DHX57: variants seen among roughly 807,000 people sequenced by gnomAD.
DHX57 encodes putative ATP-dependent RNA helicase DHX57.
DHX57 carries 105 observed loss-of-function variants against 156.2 expected under a neutral mutation model. The observed-to-expected ratio is 0.67, with a 90% CI of 0.57 to 0.79. The LOEUF (loss-of-function observed/expected upper bound fraction) is 0.79. Among genes scored for constraint, DHX57 ranks in the 30% least tolerant of loss-of-function variants. The probability of loss-of-function intolerance (pLI) is 0.00; values close to 1 mark genes in which losing one functional copy is unlikely to be tolerated. For missense variants in DHX57, 1,847 were observed against 1,661.9 expected, an observed-to-expected ratio of 1.11 and a Z score of -1.94; for synonymous variants, 704 against 595.6, an observed-to-expected ratio of 1.18 and a Z score of -2.65.
At chr2:38,854,978 G>A in intron 8 of DHX57, 79 bp downstream of exon 8, 1 of 1,476,946 alleles carries the variant, frequency 6.8e-7, no homozygotes, top group Non-Finnish European at 9.5e-7. Flanking sequence ...AATTGCCCAT[G>A]AATCTCCTAA....
At chr2:38,809,306 G>C (rs1558355505) in intron 21 of DHX57, among the ~76,000 whole-genome samples, 1 of 150,596 alleles carries the variant, frequency 6.6e-6, no homozygotes, top group Non-Finnish European at 1.5e-5. Flanking sequence ...AATTTTTTTT[G>C]TAGAGACAAG....
intron 13 of DHX57, among the ~76,000 whole-genome samples, chr2:38,831,844 C>A (rs1329538614): frequency 5.3e-4 from 70 of 131,864 alleles, no homozygotes; most frequent in East Asian, 9.2e-4. Context: ...GACTTCATCT[C>A]AAAAAAAAAA....
At chr2:38,866,980 A>T (rs1266875064) in intron 2 of DHX57, 3 of 152,244 alleles carry the variant, frequency 2.0e-5, no homozygotes, top group Non-Finnish European at 4.4e-5. Flanking sequence ...ACTCACCCAG[A>T]GCAAAATCCA....
intron 5 of DHX57, among the ~76,000 whole-genome samples, chr2:38,859,335 A>G (rs1303640294): frequency 3.3e-5 from 5 of 152,194 alleles, no homozygotes; most frequent in African/African-American, 1.2e-4. Flanking sequence ...GCAAATCCAT[A>G]GAGATAGACA....
At chr2:38,865,221 T>G (rs1015178331) in intron 2 of DHX57, among the ~76,000 whole-genome samples, 1 of 152,204 alleles carries the variant, frequency 6.6e-6, no homozygotes, top group African/African-American at 2.4e-5. Flanking sequence ...TCATCTTCAA[T>G]TGAAGTTCCC....
chr2:38,848,810 C>T (rs186017669), intron 9 of DHX57, among the ~76,000 whole-genome samples: 46 of 152,236 alleles, frequency 3.0e-4, no homozygotes, highest in Admixed American at 9.2e-4. Flanking sequence ...ATTGAACCAT[C>T]GGAGAGCAAA....
chr2:38,839,100 T>A (rs932347894), intron 12 of DHX57, among the ~76,000 whole-genome samples: 1 of 151,642 alleles, frequency 6.6e-6, no homozygotes, highest in African/African-American at 2.4e-5. Flanking sequence ...GCCAGCTAAT[T>A]TTTGTATTTT....
intron 13 of DHX57, among the ~76,000 whole-genome samples, chr2:38,833,889 G>C (rs1364562402): frequency 6.6e-6 from 1 of 151,970 alleles, no homozygotes; most frequent in African/African-American, 2.4e-5. Flanking sequence ...GACATATATA[G>C]ATACTAGCCT....
rs1443960787 is a variant in DHX57 at position 38,861,008 on chromosome 2, T to C, written c.1402A>G (p.Ile468Val). 2 of 1,612,840 alleles carry C rather than the reference T, an allele frequency of 1.2e-6. No homozygotes were observed. Among genetic ancestry groups the C allele is most frequent in the African/African-American group, 2.7e-5 (2 of 74,878 alleles). ...TCAATGCCTTACATACCTTCTGGAA[T>C]TTGATTAGAAACAAAAGAATTATTT... ...IPNNSFVSNQ[I>V]PEVEKASESE... is the part of the protein sequence containing the mutation. The change falls in exon 5 of 24, where the codon ATT (isoleucine) becomes GTT (valine). Residue 468 changes from isoleucine to valine, a missense_variant. Transcript: ENST00000457308.
intron 19 of DHX57, 154 bp downstream of exon 19, chr2:38,818,723 G>T (rs1276506001): frequency 1.3e-6 from 1 of 759,574 alleles, no homozygotes; most frequent in African/African-American, 1.8e-5. Flanking sequence ...TGATGCCACA[G>T]TGCGGGAGTC....
At chr2:38,802,506 T>A (rs938631886) in intron 23 of DHX57, among the ~76,000 whole-genome samples, 15 of 152,124 alleles carry the variant, frequency 9.9e-5, no homozygotes, top group Admixed American at 2.6e-4. Context: ...CAGGCTGGTC[T>A]CGAACTCCTG....
chr2:38,868,398 G>A lies in DHX57; in HGVS notation c.8C>T (p.Ser3Phe). 1.2e-6 allele frequency: 2 copies of A among 1,612,726 alleles called. No homozygotes were observed. The highest frequency in any genetic ancestry group is 1.7e-6 in the Non-Finnish European group (2 of 1,179,972). The change falls in exon 2 of 24, where the codon TCT (serine) becomes TTT (phenylalanine). Residue 3 changes from serine to phenylalanine, a missense_variant. Transcript: ENST00000457308. Reference sequence around the variant, plus strand: ...TGGCTTGCCTTTTCTTCTTACTGAAGAACTCATTTTCACCTGCAAGAGAAA... The same window carrying A: ...TGGCTTGCCTTTTCTTCTTACTGAAAAACTCATTTTCACCTGCAAGAGAAA... MSSSVRRKGKPGK... is the reference protein window; with the variant it reads MSFSVRRKGKPGK...
At chr2:38,849,610 T>G (rs1672476140) in intron 9 of DHX57, among the ~76,000 whole-genome samples, 1 of 152,128 alleles carries the variant, frequency 6.6e-6, no homozygotes, top group Non-Finnish European at 1.5e-5. Flanking sequence ...GACTTCTCAT[T>G]AGAATTCTTA....
chr2:38,821,996 A>C (rs961216892), intron 17 of DHX57, among the ~76,000 whole-genome samples: 3 of 152,224 alleles, frequency 2.0e-5, no homozygotes, highest in Non-Finnish European at 4.4e-5. Context: ...AGATTGAATT[A>C]ATAATAAAAC....
chr2:38,846,581 C>T (rs1304027713), intron 11 of DHX57, among the ~76,000 whole-genome samples: 1 of 142,054 alleles, frequency 7.0e-6, no homozygotes, highest in Admixed American at 7.3e-5. Context: ...TACACCACTG[C>T]ACACCAGCCT....
chr2:38,848,061 T>C (rs1026282301), intron 10 of DHX57, among the ~76,000 whole-genome samples: 6 of 151,708 alleles, frequency 4.0e-5, no homozygotes, highest in Admixed American at 3.3e-4. Context: ...CCAGCCTGGG[T>C]GACAGAGCGA....
chr2:38,805,885 G>A (rs577599331), intron 22 of DHX57, among the ~76,000 whole-genome samples: 2 of 152,288 alleles, frequency 1.3e-5, no homozygotes, highest in South Asian at 4.1e-4. Context: ...ATGTGTAAGT[G>A]CTGTTGTGCC....
At chr2:38,807,655 C>A (rs1670022315) in intron 21 of DHX57, among the ~76,000 whole-genome samples, 1 of 150,638 alleles carries the variant, frequency 6.6e-6, no homozygotes, top group Non-Finnish European at 1.5e-5. Flanking sequence ...CTGCGCCCGG[C>A]CTTTTTTTTG....
Position 38,815,677 on chromosome 2 carries a change from T to G in DHX57, c.3472-22A>C, listed in dbSNP as rs75709882. 6,732 of 1,614,046 alleles carry G rather than the reference T, an allele frequency of 4.2e-3. 20 individuals are homozygous for G. The highest frequency in any genetic ancestry group is 5.2e-3 in the Non-Finnish European group (6,087 of 1,179,972). ...TTTCCTGAAAGAAGTGGAAAAACCT[T>G]TAAGCAAGGGCATCAGCATAACAAA... On this transcript the variant is annotated intron_variant, in intron 19 of 23. Coordinates refer to ENST00000457308, the MANE Select transcript of DHX57 (RefSeq NM_198963.3).
Sources: allele counts gnomAD v4.1 joint callset (sites outside exome capture counted in the v4.1 genomes callset), GRCh38; gene constraint gnomAD v4.1.1; transcripts MANE v1.5; gene names NCBI Gene and HGNC (gene_info 2026-07-23, HGNC 2026-07-21).